The following IPCEF1 variants were observed in gnomAD, a reference collection of about 807,000 sequenced individuals.
The protein encoded by IPCEF1 is interactor protein for cytohesin exchange factors 1.
A neutral mutation model predicts 50.9 loss-of-function variants in IPCEF1; 31 were observed. The observed-to-expected ratio is 0.61, with a 90% CI of 0.46 to 0.82. The LOEUF (loss-of-function observed/expected upper bound fraction) is 0.82. Ranked by LOEUF, IPCEF1 falls within the 40% of genes least tolerant of loss-of-function variation. The probability of loss-of-function intolerance (pLI) is 0.00; values close to 1 mark genes in which losing one functional copy is unlikely to be tolerated. For synonymous variants in IPCEF1, 181 were observed against 192.0 expected (o/e 0.94, Z 0.47); for missense variants, 458 against 514.0 (o/e 0.89, Z 1.05).
At chr6:154,178,297 A>AC (rs1374575350) in intron 10 of IPCEF1, among the ~76,000 whole-genome samples, 2 of 152,194 alleles carry the variant, frequency 1.3e-5, no homozygotes, top group East Asian at 3.8e-4. Flanking sequence ...ATAATAAAAA[A>AC]AATTATATTA....
intron 1 of IPCEF1, among the ~76,000 whole-genome samples, chr6:154,315,572 G>C (rs1016147034): frequency 6.6e-6 from 1 of 152,084 alleles, no homozygotes; most frequent in Non-Finnish European, 1.5e-5. Context: ...TTGTGGTAAC[G>C]ATCACAGATG....
intron 3 of IPCEF1, among the ~76,000 whole-genome samples, chr6:154,260,310 T>A (rs2128651144): frequency 6.6e-6 from 1 of 152,274 alleles, no homozygotes; most frequent in South Asian, 2.1e-4. Context: ...TATACGTAAC[T>A]TTTTGTTTCA....
intron 2 of IPCEF1, among the ~76,000 whole-genome samples, chr6:154,287,535 T>G (rs2128667315): frequency 6.6e-6 from 1 of 152,350 alleles, no homozygotes; most frequent in South Asian, 2.1e-4. Context: ...GTTAAGCAGT[T>G]TGCCCAAGGT....
intron 3 of IPCEF1, among the ~76,000 whole-genome samples, chr6:154,252,473 A>G (rs756431133): frequency 3.3e-5 from 5 of 152,098 alleles, no homozygotes; most frequent in Non-Finnish European, 7.4e-5. Context: ...TCAGGAGTTC[A>G]AGAACAGCCT....
chr6:154,328,610 T>C (rs1583994367), intron 1 of IPCEF1, among the ~76,000 whole-genome samples: 1 of 152,106 alleles, frequency 6.6e-6, no homozygotes, highest in Admixed American at 6.5e-5. Flanking sequence ...AAAAAAATGT[T>C]AAGGAAATCC....
In IPCEF1 at chr6:154,233,484, G is replaced by A. The variant is rs139905001; in HGVS notation, c.247-10241C>T. On this transcript the variant is annotated intron_variant, in intron 5 of 11. Transcript: ENST00000367220. ...ATGAATATAACTAGATTTAGATCCAGAGAGACTTTTTTCTTACAAACACCT... is the reference window on the plus strand; with the variant it reads ...ATGAATATAACTAGATTTAGATCCAAAGAGACTTTTTTCTTACAAACACCT... 1.2e-3 allele frequency among the ~76,000 whole-genome samples: 183 copies of A among 152,262 alleles called. 3 individuals are homozygous for A. In the East Asian group the frequency reaches 0.03, roughly 25 times the overall value.
At chr6:154,165,305 C>T (rs1017589012) in intron 11 of IPCEF1, among the ~76,000 whole-genome samples, 1 of 152,142 alleles carries the variant, frequency 6.6e-6, no homozygotes, top group African/African-American at 2.4e-5. Context: ...CCCATCCTCT[C>T]CTCTTCCTCA....
chr6:154,217,667 A>G (rs1373493538), intron 7 of IPCEF1, among the ~76,000 whole-genome samples: 1 of 152,206 alleles, frequency 6.6e-6, no homozygotes, highest in Non-Finnish European at 1.5e-5. Flanking sequence ...TTAAAAGTTC[A>G]TTTTTTAAAA....
intron 2 of IPCEF1, among the ~76,000 whole-genome samples, chr6:154,266,168 C>T (rs1279619648): frequency 1.3e-5 from 2 of 152,080 alleles, no homozygotes; most frequent in Non-Finnish European, 2.9e-5. Flanking sequence ...AGGAGGATTG[C>T]TTGAGGCCAG....
chr6:154,345,546 T>A (rs1177744051), intron 1 of IPCEF1, among the ~76,000 whole-genome samples: 1 of 152,214 alleles, frequency 6.6e-6, no homozygotes, highest in Admixed American at 6.5e-5. Context: ...TGCTGCCACC[T>A]GCTATGACAC....
At chr6:154,220,501 A>G (rs947603383) in intron 7 of IPCEF1, among the ~76,000 whole-genome samples, 1 of 152,154 alleles carries the variant, frequency 6.6e-6, no homozygotes, top group Non-Finnish European at 1.5e-5. Context: ...AACACAAAAA[A>G]TTAGCTGGGC....
intron 3 of IPCEF1, among the ~76,000 whole-genome samples, chr6:154,264,005 A>C (rs1276577068): frequency 2.3e-5 from 3 of 128,334 alleles, no homozygotes; most frequent in African/African-American, 8.9e-5. Context: ...CGGGGGGCTG[A>C]CCCCCCCCAC....
chr6:154,248,307 G>GTGTA (rs1781220302), intron 3 of IPCEF1, among the ~76,000 whole-genome samples: 1 of 27,016 alleles, frequency 3.7e-5, no homozygotes, highest in African/African-American at 3.9e-4. Flanking sequence ...TTTAAAATAC[G>GTGTA]TGTGTGTGTG....
rs1268016094 is a variant in IPCEF1 at position 154,158,327 on chromosome 6, G to C, written c.*1501C>G. On this transcript the variant is annotated 3_prime_UTR_variant, in exon 12 of 12. Coordinates refer to ENST00000367220, the MANE Select transcript of IPCEF1 (RefSeq NM_001130700.2). The stretch of plus-strand genomic sequence containing the variant: ...TATTCCTATGGTGAGAAATATTCAT[G>C]GTGATTAGTAAGGGAAGACTTTCAT... 6.6e-6 allele frequency: 1 copy of C among 152,136 alleles called. No individual in the cohort carries two copies. Among genetic ancestry groups the C allele is most frequent in the Non-Finnish European group, 1.5e-5 (1 of 68,036 alleles). 9.4% of individuals were successfully genotyped at this position (152,136 alleles called of 1,614,324 possible). A position where few individuals can be genotyped will look rare whatever the true frequency, so the allele number is the denominator to read the frequency against.
chr6:154,292,316 G>A (rs1782536087), intron 1 of IPCEF1, among the ~76,000 whole-genome samples: 1 of 152,078 alleles, frequency 6.6e-6, no homozygotes, highest in Admixed American at 6.5e-5. Context: ...ATAACAGGTT[G>A]GATTAATATT....
chr6:154,183,325 C>T (rs914219271), intron 10 of IPCEF1, among the ~76,000 whole-genome samples: 5 of 152,164 alleles, frequency 3.3e-5, no homozygotes, highest in African/African-American at 7.2e-5. Context: ...ATCGCTATGA[C>T]TATTATCTAC....
At chr6:154,194,259 C>A (rs530728917) in intron 10 of IPCEF1, among the ~76,000 whole-genome samples, 2 of 152,100 alleles carry the variant, frequency 1.3e-5, no homozygotes, top group African/African-American at 4.8e-5. Context: ...ATTAGCCAGG[C>A]GTGGTGGCGC....
intron 9 of IPCEF1, among the ~76,000 whole-genome samples, chr6:154,211,273 G>A (rs1175973042): frequency 1.3e-5 from 2 of 152,006 alleles, no homozygotes; most frequent in Non-Finnish European, 2.9e-5. Context: ...AAAATTAGCC[G>A]GGCGAGGTGG....
chr6:154,266,585 T>TACAC (rs1491454976), intron 2 of IPCEF1, among the ~76,000 whole-genome samples: 44 of 135,704 alleles, frequency 3.2e-4, no homozygotes, highest in African/African-American at 6.7e-4. Context: ...TATATATATA[T>TACAC]ACACACAAAC....
Sources: gnomAD v4.1 joint callset for allele counts (sites outside exome capture counted in the v4.1 genomes callset) on GRCh38, gnomAD v4.1.1 for gene constraint, MANE v1.5 for transcripts, NCBI Gene and HGNC (gene_info 2026-07-23, HGNC 2026-07-21) for gene names.